The following RAD54L2 variants were observed in gnomAD, a reference collection of about 807,000 sequenced individuals.
RAD54L2 encodes the protein helicase ARIP4.
A neutral mutation model predicts 138.4 loss-of-function variants in RAD54L2; 27 were observed. The observed-to-expected ratio is 0.20, with a 90% CI of 0.14 to 0.27. The LOEUF is 0.27. RAD54L2 is among the 10% of genes least tolerant of loss of function. The pLI is 1.00. For missense variants in RAD54L2, 1,396 were observed against 1,890.2 expected, an observed-to-expected ratio of 0.74 and a Z score of 4.85; for synonymous variants, 644 against 723.2, an observed-to-expected ratio of 0.89 and a Z score of 1.76.
At chr3:51,657,760 G>A in intron 21 of RAD54L2, 91 bp downstream of exon 21, 4 of 893,262 alleles carry the variant, frequency 4.5e-6, no homozygotes, top group Non-Finnish European at 7.2e-6. Flanking sequence ...GAGCTAGACG[G>A]GTCATAGGAA....
intron 21 of RAD54L2, among the ~76,000 whole-genome samples, chr3:51,658,285 C>G (rs538693436): frequency 1.3e-5 from 2 of 151,952 alleles, no homozygotes; most frequent in African/African-American, 4.8e-5. Flanking sequence ...CACAAGGAGA[C>G]CAAAATTGGA....
chr3:51,646,288 C>A lies in RAD54L2; in HGVS notation c.2833C>A (p.Pro945Thr), dbSNP rs747460250. The change falls in exon 19 of 23, where the codon CCT (proline) becomes ACT (threonine). Residue 945 changes from proline (P) to threonine (T), a missense_variant. Transcript: ENST00000684192. ...LKYPHLITKE[P>T]FEHESLLLNR... ...CAACATCCTCCTGTGTCCCCAGGAG[C>A]CTTTCGAGCATGAGTCATTGCTCTT... is the stretch of plus-strand genomic sequence containing the variant. 2.5e-6 allele frequency: 4 copies of A among 1,580,682 alleles called. No homozygotes were observed. Among genetic ancestry groups the A allele is most frequent in the South Asian group, 1.2e-5 (1 of 86,298 alleles).
rs1166234966 is a variant in RAD54L2 at position 51,668,398 on chromosome 3, G to A, written c.*4978G>A. 1 of 152,230 alleles carries A rather than the reference G, an allele frequency of 6.6e-6. No homozygotes were observed. The highest frequency in any genetic ancestry group is 1.5e-5 in the Non-Finnish European group (1 of 68,066). 9.4% of individuals were successfully genotyped at this position (152,230 alleles called of 1,614,324 possible). On this transcript the variant is annotated 3_prime_UTR_variant, in exon 23 of 23. Coordinates refer to ENST00000684192, the MANE Select transcript of RAD54L2 (RefSeq NM_015106.4). Reference sequence around the variant, plus strand: ...TCTTCTTTCCTCAGGACGCCCCTGAGGCCTGGGACCTGTGCCTGGCTTCGA... The same window carrying A: ...TCTTCTTTCCTCAGGACGCCCCTGAAGCCTGGGACCTGTGCCTGGCTTCGA...
intron 3 of RAD54L2, among the ~76,000 whole-genome samples, chr3:51,605,087 T>TG (rs1700150989): frequency 7.8e-6 from 1 of 127,722 alleles, no homozygotes; most frequent in Admixed American, 9.0e-5. Flanking sequence ...CATACCTGGC[T>TG]AATTTTTTTT....
Position 51,662,841 on chromosome 3 carries a change from T to C in RAD54L2, c.3825T>C (p.Gly1275=). The change falls in exon 23 of 23, where the codon GGT becomes GGC. Residue 1275 remains glycine, a synonymous_variant. Coordinates refer to ENST00000684192, the MANE Select transcript of RAD54L2 (RefSeq NM_015106.4). The surrounding 1 kb of genome is among the most constrained non-coding windows in gnomAD (Gnocchi z 4.6). ...QESSRRRSRK[G]HLPAPVQPYE... is the part of the protein sequence containing the mutation. ...CATCCCGCCGGCGGTCCAGGAAGGGTCATCTGCCAGCCCCCGTGCAGCCGT... is the reference window on the plus strand; with the variant it reads ...CATCCCGCCGGCGGTCCAGGAAGGGCCATCTGCCAGCCCCCGTGCAGCCGT... 6.2e-7 allele frequency: 1 copy of C among 1,612,692 alleles called. No individual in the cohort carries two copies. The highest frequency in any genetic ancestry group is 8.5e-7 in the Non-Finnish European group (1 of 1,179,508).
intron 19 of RAD54L2, 136 bp from the exon 20 acceptor site, chr3:51,655,835 T>C: frequency 1.4e-6 from 1 of 718,630 alleles, no homozygotes; most frequent in Non-Finnish European, 2.3e-6. Context: ...GACCAGACCC[T>C]GCAGATTCTT....
At chr3:51,609,164 A>G (rs931787040) in intron 3 of RAD54L2, among the ~76,000 whole-genome samples, 11 of 152,202 alleles carry the variant, frequency 7.2e-5, no homozygotes, top group Non-Finnish European at 1.6e-4. Context: ...GGTGTGAGCC[A>G]CCGCGCCCAG....
At chr3:51,542,972 C>G (rs1260689361) in intron 2 of RAD54L2, among the ~76,000 whole-genome samples, 1 of 152,138 alleles carries the variant, frequency 6.6e-6, no homozygotes, top group East Asian at 1.9e-4. Flanking sequence ...GGCCCCTGAT[C>G]AGGACATTTC....
At chr3:51,654,632 CTT>C (rs957382330) in intron 19 of RAD54L2, among the ~76,000 whole-genome samples, 1 of 152,108 alleles carries the variant, frequency 6.6e-6, no homozygotes, top group Non-Finnish European at 1.5e-5. Flanking sequence ...ATTCCTCCCT[CTT>C]TTTTTTCCCC....
At position 51,655,964 on chromosome 3, in the gene RAD54L2, C is replaced by G. The variant is rs920014122; in HGVS notation, c.3027-7C>G. On this transcript the variant is annotated splice_polypyrimidine_tract_variant and splice_region_variant and intron_variant, in intron 19 of 22. Transcript: ENST00000684192. ...ACTCTTTTAGTGTCCTTGTCTTTCTCTTACAGGCAGCCAACTTTGAAGGGT... is the reference window on the plus strand; with the variant it reads ...ACTCTTTTAGTGTCCTTGTCTTTCTGTTACAGGCAGCCAACTTTGAAGGGT... The G allele has an allele frequency of 1.9e-6, 3 of 1,596,620 alleles. No homozygotes were observed. The African/African-American group carries it at 4.0e-5, about 21-fold the overall frequency.
At chr3:51,639,133 G>A (rs1277833450) in intron 12 of RAD54L2, 1 of 432,080 alleles carries the variant, frequency 2.3e-6, no homozygotes, top group Non-Finnish European at 4.2e-6. Context: ...ATTTGAATAA[G>A]AATGTCAAAA....
At chr3:51,560,357 T>C (rs915811404) in intron 2 of RAD54L2, among the ~76,000 whole-genome samples, 1 of 149,998 alleles carries the variant, frequency 6.7e-6, no homozygotes, top group African/African-American at 2.4e-5. Context: ...CATTTTCTTT[T>C]TTTTCTTTTT....
At chr3:51,646,796 C>T (rs1701291115) in intron 19 of RAD54L2, among the ~76,000 whole-genome samples, 3 of 152,218 alleles carry the variant, frequency 2.0e-5, no homozygotes, top group African/African-American at 7.2e-5. Flanking sequence ...CATCTGACCC[C>T]TAGCACCTTA....
chr3:51,542,805 A>G (rs996724690), intron 2 of RAD54L2, among the ~76,000 whole-genome samples: 20 of 152,292 alleles, frequency 1.3e-4, no homozygotes, highest in African/African-American at 4.3e-4. Flanking sequence ...AGTCCACACT[A>G]TAAAGTCCAA....
chr3:51,641,919 G>T, intron 15 of RAD54L2, 52 bp downstream of exon 15: 1 of 1,283,126 alleles, frequency 7.8e-7, no homozygotes, highest in Non-Finnish European at 1.1e-6. Context: ...CTGCTTAAGG[G>T]TTTCCTTTCC....
rs886622961 is a variant in RAD54L2 at position 51,572,784 on chromosome 3, G to A, written c.-54-17583G>A. Among the ~76,000 whole-genome samples the A allele has an allele frequency of 3.9e-4, 59 of 150,528 alleles. 1 individual carries two copies. Among genetic ancestry groups the A allele is most frequent in the African/African-American group, 1.3e-3 (55 of 41,122 alleles). ...CTCCTGAGTAGTTGGGATTACAGGC[G>A]CCTGCCACTACGCCCAGCTAATTTT... is the stretch of plus-strand genomic sequence containing the variant. On this transcript the variant is annotated intron_variant, in intron 2 of 22. Coordinates refer to ENST00000684192, the MANE Select transcript of RAD54L2 (RefSeq NM_015106.4).
intron 2 of RAD54L2, among the ~76,000 whole-genome samples, chr3:51,581,304 G>T (rs538276965): frequency 2.1e-4 from 32 of 152,196 alleles, no homozygotes; most frequent in Non-Finnish European, 2.9e-4. Flanking sequence ...CACTGTGTTG[G>T]CCAAGCTGGT....
intron 3 of RAD54L2, among the ~76,000 whole-genome samples, chr3:51,616,238 T>C (rs1700438869): frequency 6.6e-6 from 1 of 152,172 alleles, no homozygotes; most frequent in South Asian, 2.1e-4. Flanking sequence ...TATTATACTG[T>C]ATATTTATAC....
At chr3:51,641,531 GGTCTGGAACTCCT>G (rs1701135959) in intron 14 of RAD54L2, among the ~76,000 whole-genome samples, 1 of 151,838 alleles carries the variant, frequency 6.6e-6, no homozygotes, top group African/African-American at 2.4e-5. Flanking sequence ...TGGCTAGGCT[GGTCTGGAACTCCT>G]GACCTTAGGT....
Sources: gnomAD v4.1 joint callset for allele counts (sites outside exome capture counted in the v4.1 genomes callset) on GRCh38, gnomAD v4.1.1 for gene constraint, Gnocchi (gnomAD v3.1) non-coding constraint, MANE v1.5 for transcripts, NCBI Gene and HGNC (gene_info 2026-07-23, HGNC 2026-07-21) for gene names.